The following CDH6 variants were observed in gnomAD, a reference collection of about 807,000 sequenced individuals.
CDH6 encodes the protein cadherin-6.
A neutral mutation model predicts 78.0 loss-of-function variants in CDH6; 31 were observed. That is an observed-to-expected ratio of 0.40 (90% CI 0.30 to 0.54). CDH6 has a LOEUF of 0.54. Among genes scored for constraint, CDH6 ranks in the 20% least tolerant of loss-of-function variants. The pLI, the probability that CDH6 is intolerant of heterozygous loss-of-function variation, is 0.56. For synonymous variants in CDH6, 376 were observed against 368.8 expected (o/e 1.02, Z -0.23); for missense variants, 724 against 975.9 (o/e 0.74, Z 3.44).
intron 1 of CDH6, among the ~76,000 whole-genome samples, chr5:31,265,950 A>AT (rs1302393867): frequency 4.0e-5 from 6 of 150,604 alleles, no homozygotes; most frequent in Admixed American, 1.3e-4. Context: ...AATTTTTTGT[A>AT]TTTTTTTAGT....
chr5:31,242,778 T>A (rs541960951), intron 1 of CDH6, among the ~76,000 whole-genome samples: 2 of 151,776 alleles, frequency 1.3e-5, no homozygotes, highest in Admixed American at 1.3e-4. Context: ...TCTCAGCACT[T>A]TGAGAGGCTG....
At chr5:31,302,349 C>A in intron 6 of CDH6, 51 bp downstream of exon 6, 1 of 1,378,198 alleles carries the variant, frequency 7.3e-7, no homozygotes, top group Non-Finnish European at 1.0e-6. Context: ...TACTTTTCTC[C>A]AGTTCCTAAG....
chr5:31,292,975 A>G (rs1446992634), intron 2 of CDH6, among the ~76,000 whole-genome samples: 2 of 151,796 alleles, frequency 1.3e-5, no homozygotes, highest in South Asian at 2.1e-4. Context: ...AAGGGAATTT[A>G]GGAAACAATA....
At chr5:31,301,092 C>T (rs759460188) in intron 5 of CDH6, among the ~76,000 whole-genome samples, 2 of 152,172 alleles carry the variant, frequency 1.3e-5, no homozygotes, top group Admixed American at 6.5e-5. Flanking sequence ...CACTGCACTC[C>T]AGCCTGAGCA....
chr5:31,236,522 C>G (rs937960951), intron 1 of CDH6, among the ~76,000 whole-genome samples: 25 of 152,122 alleles, frequency 1.6e-4, no homozygotes, highest in African/African-American at 6.0e-4. Context: ...GGCCCTGCCT[C>G]GTGGTGAGCT....
At chr5:31,275,858 C>A (rs1294363171) in intron 2 of CDH6, among the ~76,000 whole-genome samples, 1 of 152,188 alleles carries the variant, frequency 6.6e-6, no homozygotes, top group African/African-American at 2.4e-5. Context: ...ATACATTTAA[C>A]TTTTAGAGGC....
chr5:31,220,125 A>AT (rs1395221646), intron 1 of CDH6, among the ~76,000 whole-genome samples: 58 of 152,236 alleles, frequency 3.8e-4, no homozygotes, highest in Admixed American at 3.5e-3. Flanking sequence ...AGTTCTTTAT[A>AT]TTTTTCTGTG....
intron 1 of CDH6, among the ~76,000 whole-genome samples, chr5:31,226,689 A>G (rs986214202): frequency 6.6e-6 from 1 of 152,070 alleles, no homozygotes; most frequent in Non-Finnish European, 1.5e-5. Context: ...TCCTACCAAC[A>G]CGAGAAGAAA....
chr5:31,270,464 C>T (rs1270236716), intron 2 of CDH6, among the ~76,000 whole-genome samples: 1 of 152,186 alleles, frequency 6.6e-6, no homozygotes, highest in Non-Finnish European at 1.5e-5. Context: ...ATTTCTCAAT[C>T]AGATCAAACA....
chr5:31,300,388 T>TA (rs1007509217), intron 5 of CDH6, among the ~76,000 whole-genome samples: 2 of 152,160 alleles, frequency 1.3e-5, no homozygotes, highest in East Asian at 3.9e-4. Flanking sequence ...CATGACATTT[T>TA]AAAAAAACTA....
chr5:31,254,193 T>C (rs759565047), intron 1 of CDH6, among the ~76,000 whole-genome samples: 20 of 152,182 alleles, frequency 1.3e-4, no homozygotes, highest in Non-Finnish European at 2.6e-4. Context: ...TGTCCAAGTA[T>C]CACAGTGCTT....
chr5:31,227,178 C>G lies in CDH6; in HGVS notation c.-129+33292C>G, dbSNP rs377119073. ...CTCCTCACCCTATCCCACTTCACCC[C>G]CTTTCTGAAACTAAGTTGGGCGAGA... On this transcript the variant is annotated intron_variant, in intron 1 of 11. Transcript: ENST00000265071. 1.6e-4 allele frequency among the ~76,000 whole-genome samples: 25 copies of G among 152,216 alleles called. No homozygotes were observed. In the East Asian group the frequency reaches 4.7e-3, roughly 28 times the overall value.
At position 31,324,005 on chromosome 5, in the gene CDH6, A is replaced by G; in HGVS notation, c.*697A>G. 5.1e-6 allele frequency: 1 copy of G among 194,336 alleles called. No individual in the cohort carries two copies. The highest frequency in any genetic ancestry group is 1.1e-5 in the Non-Finnish European group (1 of 95,144). The allele number at this position is 194,336 out of a possible 1,614,324, so 12.0% of individuals were successfully genotyped here. ...TAGTTTGTTATATCCTAGACTAGACATGCGAAAGTTTGCCTTTGTACCATA... is the reference window on the plus strand; with the variant it reads ...TAGTTTGTTATATCCTAGACTAGACGTGCGAAAGTTTGCCTTTGTACCATA... On this transcript the variant is annotated 3_prime_UTR_variant, in exon 12 of 12. Coordinates refer to ENST00000265071, the MANE Select transcript of CDH6 (RefSeq NM_004932.4).
At chr5:31,257,425 A>T (rs910246571) in intron 1 of CDH6, among the ~76,000 whole-genome samples, 2 of 152,172 alleles carry the variant, frequency 1.3e-5, no homozygotes, top group Non-Finnish European at 2.9e-5. Context: ...AGCCTCCCAA[A>T]GTGCTAGGAT....
chr5:31,251,424 C>T (rs1290317272), intron 1 of CDH6: 1 of 152,352 alleles, frequency 6.6e-6, no homozygotes, highest in Non-Finnish European at 1.5e-5. Context: ...AGGGCGAGGA[C>T]ACTAGGTCTA....
chr5:31,304,771 C>T (rs1737933119), intron 6 of CDH6, among the ~76,000 whole-genome samples: 1 of 151,792 alleles, frequency 6.6e-6, no homozygotes, highest in Non-Finnish European at 1.5e-5. Flanking sequence ...CCCTGATGGC[C>T]CCCTCTAGTG....
intron 11 of CDH6, 123 bp downstream of exon 11, chr5:31,318,047 A>ACATACTG (rs1205623240): frequency 4.3e-6 from 5 of 1,151,856 alleles, no homozygotes; most frequent in Non-Finnish European, 1.3e-6. Flanking sequence ...GAGTCGAGTT[A>ACATACTG]CATACTGAGA....
chr5:31,313,623 C>T (rs1399441683), intron 8 of CDH6, among the ~76,000 whole-genome samples, 169 bp downstream of exon 8: 1 of 152,104 alleles, frequency 6.6e-6, no homozygotes, highest in Admixed American at 6.5e-5. Context: ...TATACATTGG[C>T]TCACACATAA....
At chr5:31,251,460 C>G (rs1458177640) in intron 1 of CDH6, 1 of 152,292 alleles carries the variant, frequency 6.6e-6, no homozygotes, top group Admixed American at 6.5e-5. Context: ...CACTTCTTTC[C>G]TTCTGGCAAG....
Sources: gnomAD v4.1 joint callset for allele counts (sites outside exome capture counted in the v4.1 genomes callset) on GRCh38, gnomAD v4.1.1 for gene constraint, MANE v1.5 for transcripts, NCBI Gene and HGNC (gene_info 2026-07-23, HGNC 2026-07-21) for gene names.